ITPR2: variants seen among roughly 807,000 people sequenced by gnomAD.
ITPR2 encodes the protein inositol 1,4,5-trisphosphate receptor type 2.
Under a neutral mutation model 317.1 loss-of-function variants are expected in ITPR2, and 207 were observed. The observed-to-expected ratio is 0.65, with a 90% CI of 0.58 to 0.73. The LOEUF (loss-of-function observed/expected upper bound fraction) is 0.73, where lower values mean the gene tolerates loss of function less well. Among genes scored for constraint, ITPR2 ranks in the 30% least tolerant of loss-of-function variants. ITPR2 has a pLI of 0.00. For synonymous variants in ITPR2, 1,156 were observed against 1,149.1 expected (o/e 1.01, Z -0.12); for missense variants, 2,613 against 3,284.0 (o/e 0.80, Z 4.99).
chr12:26,386,285 G>A (rs1017091281), intron 55 of ITPR2, among the ~76,000 whole-genome samples: 4 of 152,154 alleles, frequency 2.6e-5, no homozygotes, highest in Non-Finnish European at 2.9e-5. Context: ...ACAATGTTAG[G>A]TTCTGTCCAT....
At chr12:26,782,936 G>C (rs188114412) in intron 2 of ITPR2, among the ~76,000 whole-genome samples, 1 of 152,318 alleles carries the variant, frequency 6.6e-6, no homozygotes, top group Non-Finnish European at 1.5e-5. Context: ...ATCACTGTTA[G>C]ACAAGCTTGA....
intron 51 of ITPR2, 107 bp downstream of exon 51, chr12:26,415,196 A>G (rs188017904): frequency 1.6e-4 from 122 of 741,138 alleles, no homozygotes; most frequent in Middle Eastern, 1.2e-3. Flanking sequence ...TCAAAGGAAT[A>G]AAAGAAAACA....
At chr12:26,548,797 G>A (rs568175036) in intron 37 of ITPR2, among the ~76,000 whole-genome samples, 1 of 152,158 alleles carries the variant, frequency 6.6e-6, no homozygotes, top group Admixed American at 6.5e-5. Context: ...GGTAATAAAA[G>A]CCTGAACTAG....
intron 55 of ITPR2, among the ~76,000 whole-genome samples, chr12:26,361,965 T>C (rs899945995): frequency 6.6e-6 from 1 of 152,236 alleles, no homozygotes; most frequent in Non-Finnish European, 1.5e-5. Flanking sequence ...AAATCCCACT[T>C]TGAATACATA....
chr12:26,339,512 G>A (rs374365218), intron 56 of ITPR2, 29 bp from the exon 57 acceptor site: 164 of 1,595,050 alleles, frequency 1.0e-4, no homozygotes, highest in Non-Finnish European at 1.3e-4. Context: ...TGTGTGTTCA[G>A]CGGATTTTCT....
At chr12:26,455,444 C>T (rs1191038899) in intron 45 of ITPR2, among the ~76,000 whole-genome samples, 1 of 147,626 alleles carries the variant, frequency 6.8e-6, no homozygotes, top group Non-Finnish European at 1.5e-5. Context: ...GTTTCAAAGG[C>T]AAACCTAATA....
Position 26,682,559 on chromosome 12 carries a change from T to G in ITPR2, c.1248+15A>C. The G allele has an allele frequency of 6.5e-7, 1 of 1,531,370 alleles. No individual in the cohort carries two copies. Among genetic ancestry groups the G allele is most frequent in the Non-Finnish European group, 9.0e-7 (1 of 1,110,804 alleles). The allele number at this position is 1,531,370 out of a possible 1,614,324, so 94.9% of individuals were successfully genotyped here. A position where few individuals can be genotyped will look rare whatever the true frequency, so the allele number is the denominator to read the frequency against. ...GCATTTGGCTGAAAATTAAACCATC[T>G]TCAGTGACATTTACCTTTAACATAA... On this transcript the variant is annotated intron_variant, in intron 12 of 56. Transcript: ENST00000381340.
At position 26,657,836 on chromosome 12, in the gene ITPR2, A is replaced by G; in HGVS notation, c.2063T>C (p.Ile688Thr). The change falls in exon 18 of 57, where the codon ATT becomes ACT. Residue 688 changes from isoleucine to threonine, a missense_variant. Transcript: ENST00000381340. ...PMESSILSDDIDDEEVWLYWI... is the reference protein window; with the variant it reads ...PMESSILSDDTDDEEVWLYWI... The stretch of plus-strand genomic sequence containing the variant: ...ATAGAGCCAAACTTCTTCATCATCA[A>G]TGTCATCTGAAAGGATGGAGCTCTC... 5 of 1,614,148 alleles carry G rather than the reference A, an allele frequency of 3.1e-6. No individual in the cohort carries two copies. Among genetic ancestry groups the G allele is most frequent in the Non-Finnish European group, 4.2e-6 (5 of 1,180,000 alleles).
At chr12:26,544,293 T>A (rs1444653173) in intron 37 of ITPR2, among the ~76,000 whole-genome samples, 1 of 152,158 alleles carries the variant, frequency 6.6e-6, no homozygotes, top group Non-Finnish European at 1.5e-5. Context: ...AGGAAGAATA[T>A]CCCTAAGTAT....
chr12:26,756,198 T>C (rs560180065), intron 2 of ITPR2, among the ~76,000 whole-genome samples: 37 of 152,328 alleles, frequency 2.4e-4, no homozygotes, highest in African/African-American at 8.7e-4. Context: ...TCAAGAACTA[T>C]GGTACATCTG....
At chr12:26,590,393 T>C (rs1253721936) in intron 32 of ITPR2, among the ~76,000 whole-genome samples, 1 of 152,060 alleles carries the variant, frequency 6.6e-6, no homozygotes, top group Non-Finnish European at 1.5e-5. Context: ...AAGGAAAAAC[T>C]TGATAGCAAG....
intron 11 of ITPR2, 139 bp from the exon 12 acceptor site, chr12:26,682,812 G>A (rs1948060134): frequency 1.7e-6 from 1 of 597,888 alleles, no homozygotes; most frequent in Non-Finnish European, 2.9e-6. Flanking sequence ...CTGCTTTAAG[G>A]GGAAATTCGG....
chr12:26,721,408 A>G, intron 5 of ITPR2: 1 of 497,834 alleles, frequency 2.0e-6, no homozygotes, highest in South Asian at 3.1e-5. Context: ...AGACATTCCT[A>G]AGACAAGAAA....
chr12:26,807,908 G>A (rs972057614), intron 1 of ITPR2, among the ~76,000 whole-genome samples: 2 of 152,126 alleles, frequency 1.3e-5, no homozygotes, highest in Non-Finnish European at 2.9e-5. Context: ...AAGAACCAAA[G>A]GAAGTCCTCC....
At chr12:26,417,784 GA>G (rs1379182283) in intron 50 of ITPR2, among the ~76,000 whole-genome samples, 1 of 141,556 alleles carries the variant, frequency 7.1e-6, no homozygotes, top group African/African-American at 2.6e-5. Flanking sequence ...TTATAAACAA[GA>G]AAGTTGAGCA....
At chr12:26,679,616 T>G (rs572555940) in intron 13 of ITPR2, among the ~76,000 whole-genome samples, 1 of 152,326 alleles carries the variant, frequency 6.6e-6, no homozygotes, top group African/African-American at 2.4e-5. Flanking sequence ...GAGTTTGTTT[T>G]TGCTTGTTTT....
chr12:26,710,073 A>C (rs184784396), intron 9 of ITPR2, among the ~76,000 whole-genome samples: 1 of 152,264 alleles, frequency 6.6e-6, no homozygotes, highest in Non-Finnish European at 1.5e-5. Context: ...TTCTCTACTG[A>C]AAATATAAAA....
intron 1 of ITPR2, among the ~76,000 whole-genome samples, chr12:26,828,187 G>A (rs979775268): frequency 2.0e-5 from 3 of 152,098 alleles, no homozygotes; most frequent in Non-Finnish European, 4.4e-5. Context: ...TAACAGAAGA[G>A]AAAGAAAATT....
intron 2 of ITPR2, among the ~76,000 whole-genome samples, chr12:26,741,712 T>C (rs1487877390): frequency 6.6e-6 from 1 of 152,158 alleles, no homozygotes; most frequent in Non-Finnish European, 1.5e-5. Flanking sequence ...CATTCACAGA[T>C]TCATTTCTCT....
Sources: gnomAD v4.1 joint callset for allele counts (sites outside exome capture counted in the v4.1 genomes callset) on GRCh38, gnomAD v4.1.1 for gene constraint, MANE v1.5 for transcripts, NCBI Gene and HGNC (gene_info 2026-07-23, HGNC 2026-07-21) for gene names.